THRB: variants seen among roughly 807,000 people sequenced by gnomAD.
The protein encoded by THRB is nuclear receptor subfamily 1 group A member 2.
A neutral mutation model predicts 47.8 loss-of-function variants in THRB; 12 were observed. That is an observed-to-expected ratio of 0.25 (90% CI 0.16 to 0.41). The LOEUF (loss-of-function observed/expected upper bound fraction) is 0.41. Among genes scored for constraint, THRB ranks in the 10% least tolerant of loss-of-function variants. THRB has a pLI of 1.00. For synonymous variants in THRB, 218 were observed against 212.2 expected (o/e 1.03, Z -0.24); for missense variants, 348 against 589.2 (o/e 0.59, Z 4.24).
intron 4 of THRB, among the ~76,000 whole-genome samples, chr3:24,203,827 T>C (rs990090612): frequency 6.6e-6 from 1 of 152,230 alleles, no homozygotes; most frequent in Non-Finnish European, 1.5e-5. Context: ...ACTTTTCCAA[T>C]GGCCTTAGCA....
chr3:24,356,398 G>C (rs1057499519), intron 1 of THRB, among the ~76,000 whole-genome samples: 9 of 152,068 alleles, frequency 5.9e-5, no homozygotes, highest in African/African-American at 2.2e-4. Context: ...GTCTTTGCAG[G>C]CTCTTCTCCC....
intron 1 of THRB, among the ~76,000 whole-genome samples, chr3:24,390,889 A>T (rs529178325): frequency 1.6e-4 from 25 of 152,052 alleles, no homozygotes; most frequent in African/African-American, 5.5e-4. Context: ...TTTAGTATGA[A>T]TAACTCACAT....
At chr3:24,329,262 C>T (rs2061771096) in intron 2 of THRB, among the ~76,000 whole-genome samples, 2 of 152,178 alleles carry the variant, frequency 1.3e-5, no homozygotes, top group Non-Finnish European at 2.9e-5. Context: ...AATTCTTAAA[C>T]TCCATCTATT....
At chr3:24,198,570 T>C (rs2044248333) in intron 4 of THRB, among the ~76,000 whole-genome samples, 2 of 150,878 alleles carry the variant, frequency 1.3e-5, no homozygotes, top group South Asian at 4.2e-4. Flanking sequence ...TTCTCTCAAT[T>C]TACACGAACA....
chr3:24,230,496 T>C (rs2150109101), intron 3 of THRB, among the ~76,000 whole-genome samples: 1 of 152,322 alleles, frequency 6.6e-6, no homozygotes, highest in South Asian at 2.1e-4. Context: ...TGCCTCTGAT[T>C]AGCTCGTCAA....
intron 3 of THRB, among the ~76,000 whole-genome samples, chr3:24,233,595 G>GAAAGAAAAAGAAAGAAAGAAAAAT (rs1553658453): frequency 7.0e-6 from 1 of 143,854 alleles, no homozygotes; most frequent in Admixed American, 6.9e-5. Flanking sequence ...AAGAAAGAAA[G>GAAAGAAAAAGAAAGAAAGAAAAAT]AAAGAAAGAA....
chr3:24,127,457 A>G (rs749748932), intron 10 of THRB, 42 bp downstream of exon 10: 1 of 1,612,988 alleles, frequency 6.2e-7, no homozygotes, highest in Admixed American at 1.7e-5. Flanking sequence ...TAGACAAGCA[A>G]AAGCTCTTTG....
intron 1 of THRB, among the ~76,000 whole-genome samples, chr3:24,342,543 A>G (rs1305075554): frequency 1.3e-5 from 2 of 152,106 alleles, no homozygotes; most frequent in Non-Finnish European, 1.5e-5. Flanking sequence ...TGGAGAAGAA[A>G]TACCCTGGCT....
intron 4 of THRB, among the ~76,000 whole-genome samples, chr3:24,219,924 G>A (rs552585478): frequency 3.5e-4 from 54 of 152,208 alleles, no homozygotes; most frequent in African/African-American, 8.4e-4. Flanking sequence ...GATGCGTAGC[G>A]GAATCACTTG....
intron 1 of THRB, among the ~76,000 whole-genome samples, chr3:24,435,817 T>C (rs2070886346): frequency 6.6e-6 from 1 of 152,164 alleles, no homozygotes; most frequent in Non-Finnish European, 1.5e-5. Flanking sequence ...AGATGCAACG[T>C]TGGCCTCCCC....
intron 3 of THRB, among the ~76,000 whole-genome samples, chr3:24,266,653 A>C (rs2052684292): frequency 6.6e-6 from 1 of 152,176 alleles, no homozygotes; most frequent in Non-Finnish European, 1.5e-5. Context: ...AGAGGGAGCC[A>C]GCCAAGCCCA....
intron 3 of THRB, among the ~76,000 whole-genome samples, chr3:24,263,534 C>G (rs1029416085): frequency 6.6e-6 from 1 of 151,674 alleles, no homozygotes; most frequent in African/African-American, 2.4e-5. Context: ...TGGCTTTTCA[C>G]CCTCAATTAT....
At chr3:24,188,628 G>T (rs958699770) in intron 5 of THRB, among the ~76,000 whole-genome samples, 9 of 151,908 alleles carry the variant, frequency 5.9e-5, no homozygotes, top group Non-Finnish European at 1.0e-4. Flanking sequence ...GTTTTCTGTT[G>T]GCGTTTCACC....
At chr3:24,438,254 C>A (rs1198929348) in intron 1 of THRB, among the ~76,000 whole-genome samples, 1 of 152,062 alleles carries the variant, frequency 6.6e-6, no homozygotes, top group Non-Finnish European at 1.5e-5. Context: ...CCAAGCTTCT[C>A]CACCTGCATT....
rs554358645 is a variant in THRB at position 24,189,269 on chromosome 3, A to AC, written c.283+804dup. On this transcript the variant is annotated intron_variant, in intron 5 of 10. Coordinates refer to ENST00000646209, the MANE Select transcript of THRB (RefSeq NM_001354712.2). ...CAATCCTCAAAGAAAAACTAAATAG[A>AC]CCCCCCCTTTTCTTTTAAAAAAGAA... 3.7e-3 allele frequency among the ~76,000 whole-genome samples: 568 copies of AC among 151,938 alleles called. 2 individuals are homozygous for AC. Among genetic ancestry groups the AC allele is most frequent in the Non-Finnish European group, 4.7e-3 (318 of 67,954 alleles).
chr3:24,455,167 A>C (rs1254070917), intron 1 of THRB: 3 of 119,654 alleles, frequency 2.5e-5, no homozygotes, highest in African/African-American at 9.8e-5. Context: ...TTTACATTGG[A>C]GTCTCTCCCT....
chr3:24,424,771 T>G (rs2069597803), intron 1 of THRB, among the ~76,000 whole-genome samples: 1 of 151,976 alleles, frequency 6.6e-6, no homozygotes, highest in African/African-American at 2.4e-5. Context: ...TATTTCTGAT[T>G]CTTTAATTCA....
chr3:24,277,254 C>T (rs150969986), intron 3 of THRB, among the ~76,000 whole-genome samples: 218 of 152,218 alleles, frequency 1.4e-3, no homozygotes, highest in Non-Finnish European at 2.4e-3. Flanking sequence ...GACTGAGGAG[C>T]GGGTGCCACG....
chr3:24,404,996 T>C (rs1043498009), intron 1 of THRB, among the ~76,000 whole-genome samples: 3 of 152,018 alleles, frequency 2.0e-5, no homozygotes, highest in Admixed American at 2.0e-4. Context: ...CAAGCAGACC[T>C]TGTGAATCCA....
Sources: gnomAD v4.1 joint callset for allele counts (sites outside exome capture counted in the v4.1 genomes callset) on GRCh38, gnomAD v4.1.1 for gene constraint, MANE v1.5 for transcripts, NCBI Gene and HGNC (gene_info 2026-07-23, HGNC 2026-07-21) for gene names.